EVPL: variants seen among roughly 807,000 people sequenced by gnomAD.
The protein encoded by EVPL is 210 kDa cornified envelope precursor protein.
EVPL carries 94 observed loss-of-function variants against 129.7 expected under a neutral mutation model. The ratio of observed to expected loss-of-function variants is 0.72; its 90% CI spans 0.61 to 0.86. The LOEUF (loss-of-function observed/expected upper bound fraction) is 0.86, where lower values mean the gene tolerates loss of function less well. Among genes scored for constraint, EVPL ranks in the 40% least tolerant of loss-of-function variants. The pLI is 0.00. For missense variants in EVPL, 2,625 were observed against 2,721.1 expected, an observed-to-expected ratio of 0.96 and a Z score of 0.79; for synonymous variants, 1,172 against 1,191.1, an observed-to-expected ratio of 0.98 and a Z score of 0.33.
In EVPL at chr17:76,009,900, T is replaced by TG; in HGVS notation, c.3304_3305insC (p.Asp1102AlafsTer160). The TG allele has an allele frequency of 6.2e-7, 1 of 1,614,108 alleles. No individual in the cohort carries two copies. Among genetic ancestry groups the TG allele is most frequent in the African/African-American group, 1.3e-5 (1 of 75,048 alleles). The stretch of plus-strand genomic sequence containing the variant: ...CTCCGCCTGCTTCCTCCGCGCAGCA[T>TG]CCTCCTCCATCTGCAGCCTCAGAGC... On this transcript the variant is annotated frameshift_variant, in exon 22 of 22. Coordinates refer to ENST00000301607, the MANE Select transcript of EVPL (RefSeq NM_001988.4). LOFTEE classifies it low-confidence loss of function (END_TRUNC). This position sits in a 1 kb window ranked among gnomAD's most constrained non-coding sequence, Gnocchi z 5.9.
chr17:76,021,367 G>C, intron 9 of EVPL, 101 bp downstream of exon 9: 1 of 1,128,358 alleles, frequency 8.9e-7, no homozygotes, highest in Non-Finnish European at 1.3e-6. Flanking sequence ...GCTCTGTCTA[G>C]TTGGGAGGTG....
intron 10 of EVPL, 42 bp downstream of exon 10, chr17:76,019,486 T>A: frequency 6.6e-7 from 1 of 1,524,018 alleles, no homozygotes. Flanking sequence ...CAGGACCAAT[T>A]CCCAGAAGTG....
At chr17:76,012,284 G>A (rs2066383381) in intron 18 of EVPL, 195 bp from the exon 19 acceptor site, 1 of 539,870 alleles carries the variant, frequency 1.9e-6, no homozygotes, top group Non-Finnish European at 3.3e-6. Flanking sequence ...CCTCTCCGAG[G>A]CACCTTGGCA....
chr17:76,008,617 G>T lies in EVPL; in HGVS notation c.4588C>A (p.Arg1530Ser). The change falls in exon 22 of 22, where the codon CGC becomes AGC. Residue 1530 changes from arginine to serine, a missense_variant. By Grantham distance (110) the Arg-to-Ser change is moderately radical. Around this residue, in one of 4 missense-constraint regions of EVPL, gnomAD observed 1,453 missense variants for 1,511.8 expected, o/e 0.96. Coordinates refer to ENST00000301607, the MANE Select transcript of EVPL (RefSeq NM_001988.4). This position sits in a 1 kb window ranked among gnomAD's most constrained non-coding sequence, Gnocchi z 7.4. ...YKEVIRVQKD[R>S]VLEDERARVW... ...CGGGCCCGCTCATCTTCCAGGACGC[G>T]GTCCTTCTGCACCCGGATCACTTCC... 1.9e-6 allele frequency: 3 copies of T among 1,612,134 alleles called. No homozygotes were observed. In the South Asian group the frequency reaches 3.3e-5, roughly 18 times the overall value.
At position 76,018,578 on chromosome 17, in the gene EVPL, C is replaced by T. The variant is rs559090051; in HGVS notation, c.1307G>A (p.Arg436Gln). ...GTCAGTGTTATCTACCAGCTTATACCGCTCACCCTGCAGCAGCTGCACCTG... is the reference window on the plus strand; with the variant it reads ...GTCAGTGTTATCTACCAGCTTATACTGCTCACCCTGCAGCAGCTGCACCTG... The part of the protein sequence containing the change: ...SGEVQLLQGE[R>Q]YKLVDNTDPH... Residue 436 changes from arginine to glutamine, a missense_variant, in exon 12 of 22, where the codon CGG (arginine) becomes CAG (glutamine). Arg to Gln is a conservative substitution (Grantham distance 43). Coordinates refer to ENST00000301607, the MANE Select transcript of EVPL (RefSeq NM_001988.4). The T allele has an allele frequency of 3.9e-5, 62 of 1,605,972 alleles. No homozygotes were observed. The highest frequency in any genetic ancestry group is 3.3e-4 in the Middle Eastern group (2 of 6,028).
rs766131192 is a variant in EVPL at position 76,008,547 on chromosome 17, C to A, written c.4658G>T (p.Arg1553Leu). The change falls in exon 22 of 22, where the codon CGG becomes CTG. Residue 1553 changes from arginine to leucine, a missense_variant. Arg to Leu is a moderately radical substitution (Grantham distance 102, BLOSUM62 -2). Transcript: ENST00000301607. The surrounding 1 kb of genome is among the most constrained non-coding windows in gnomAD (Gnocchi z 7.4). ...LNRERTARQAREEEARRLRER... is the reference protein window; with the variant it reads ...LNRERTARQALEEEARRLRER... ...CCGCAGGCGCCGTGCCTCCTCCTCC[C>A]GGGCCTGCCGGGCCGTGCGCTCCCT... The A allele has an allele frequency of 6.2e-7, 1 of 1,608,274 alleles. No homozygotes were observed.
chr17:76,007,550 C>A lies in EVPL; in HGVS notation c.5655G>T (p.Arg1885Ser). 1 of 1,614,040 alleles carries A rather than the reference C, an allele frequency of 6.2e-7. No individual in the cohort carries two copies. Among genetic ancestry groups the A allele is most frequent in the Non-Finnish European group, 8.5e-7 (1 of 1,180,040 alleles). Reference sequence around the variant, plus strand: ...GTGTGGAGGTGTTCTCGATCAGGCCCCTCTCCATCGCCTTGTGCACAGAGT... The same window carrying A: ...GTGTGGAGGTGTTCTCGATCAGGCCACTCTCCATCGCCTTGTGCACAGAGT... ...ERYSVHKAME[R>S]GLIENTSTQR... is the part of the protein sequence containing the mutation. Residue 1885 changes from arginine to serine, a missense_variant, in exon 22 of 22, where the codon AGG becomes AGT. Arg to Ser is a moderately radical substitution (Grantham distance 110). Coordinates refer to ENST00000301607, the MANE Select transcript of EVPL (RefSeq NM_001988.4). This position sits in a 1 kb window ranked among gnomAD's most constrained non-coding sequence, Gnocchi z 8.8.
intron 21 of EVPL, among the ~76,000 whole-genome samples, chr17:76,011,299 G>A (rs117856389): frequency 1.3e-5 from 2 of 152,338 alleles, no homozygotes; most frequent in East Asian, 3.9e-4. Context: ...TCTGGGGTTA[G>A]AGGTCTTGTC....
At position 76,010,425 on chromosome 17, in the gene EVPL, C is replaced by T. The variant is rs773412350; in HGVS notation, c.2780G>A (p.Arg927Gln). ...CAGCTCATGCTGCACCCGGGCCACC[C>T]GCTTCCTCTCCTCTTCCAGCTGGGC... ...LKAQLEEERKRVARVQHELEA... is the reference protein window; with the variant it reads ...LKAQLEEERKQVARVQHELEA... The change falls in exon 22 of 22, where the codon CGG becomes CAG. Residue 927 changes from arginine to glutamine, a missense_variant. Transcript: ENST00000301607. 9.9e-6 allele frequency: 16 copies of T among 1,613,828 alleles called. No homozygotes were observed. Among genetic ancestry groups the T allele is most frequent in the South Asian group, 6.6e-5 (6 of 91,074 alleles).
intron 14 of EVPL, among the ~76,000 whole-genome samples, chr17:76,017,237 GA>G: frequency 6.6e-6 from 1 of 152,298 alleles, no homozygotes; most frequent in African/African-American, 2.4e-5. Context: ...AACTGGTTTG[GA>G]AGGATAACCC....
In EVPL at chr17:76,008,810, C is replaced by G; in HGVS notation, c.4395G>C (p.Val1465=). 6.2e-7 allele frequency: 1 copy of G among 1,614,094 alleles called. No individual in the cohort carries two copies. Among genetic ancestry groups the G allele is most frequent in the Non-Finnish European group, 8.5e-7 (1 of 1,180,006 alleles). ...TVQEKIIMEE[V]VKLEKDPDLE... ...GGTCCGGGTCCTTCTCCAGCTTGAC[C>G]ACTTCCTCCATGATGATCTTCTCCT... Residue 1465 remains valine (V), a synonymous_variant, in exon 22 of 22, where the codon GTG becomes GTC. Coordinates refer to ENST00000301607, the MANE Select transcript of EVPL (RefSeq NM_001988.4). The surrounding 1 kb of genome is among the most constrained non-coding windows in gnomAD (Gnocchi z 7.4).
chr17:76,014,741 A>C (rs2066404319), intron 17 of EVPL, among the ~76,000 whole-genome samples, 165 bp from the exon 18 acceptor site: 1 of 152,134 alleles, frequency 6.6e-6, no homozygotes, highest in African/African-American at 2.4e-5. Flanking sequence ...CAGAGATGGG[A>C]CAGTCTCTAC....
chr17:76,012,074 T>C lies in EVPL; in HGVS notation c.2389A>G (p.Ile797Val), dbSNP rs758026156. ...GCCCTGTCCCGCTCTCGGCTCTGGA[T>C]CTCCTGCGTCAGCCTCTGCCAGGGA... ...LQAQKRLTQEIQSRERDRATA... is the reference protein window; with the variant it reads ...LQAQKRLTQEVQSRERDRATA... The change falls in exon 19 of 22, where the codon ATC becomes GTC. Residue 797 changes from isoleucine (I) to valine (V), a missense_variant. Coordinates refer to ENST00000301607, the MANE Select transcript of EVPL (RefSeq NM_001988.4). 1.9e-6 allele frequency: 3 copies of C among 1,610,796 alleles called. No individual in the cohort carries two copies. Among genetic ancestry groups the C allele is most frequent in the South Asian group, 2.2e-5 (2 of 90,524 alleles).
rs779540974 is a variant in EVPL, at chr17:76,021,722, G to A, written c.867C>T (p.Asp289=). The A allele has an allele frequency of 6.2e-7, 1 of 1,610,006 alleles. No homozygotes were observed. Among genetic ancestry groups the A allele is most frequent in the Admixed American group, 1.7e-5 (1 of 59,872 alleles). Reference sequence around the variant, plus strand: ...GCCGCAGCTCCACCATGCGCTCGCCGTCGTCCTCCAGCTGGTTCACGCTCT... The same window carrying A: ...GCCGCAGCTCCACCATGCGCTCGCCATCGTCCTCCAGCTGGTTCACGCTCT... ...QEQSVNQLED[D]GERMVELRHP... The change falls in exon 8 of 22, where the codon GAC becomes GAT. Residue 289 remains aspartate (D), a synonymous_variant. Coordinates refer to ENST00000301607, the MANE Select transcript of EVPL (RefSeq NM_001988.4).
rs144035870 is a variant in EVPL at position 76,012,082 on chromosome 17, G to A, written c.2381C>T (p.Thr794Met). 38 of 1,609,700 alleles carry A rather than the reference G, an allele frequency of 2.4e-5. No individual in the cohort carries two copies. The highest frequency in any genetic ancestry group is 1.2e-4 in the African/African-American group (9 of 74,844). Residue 794 changes from threonine (T) to methionine (M), a missense_variant, in exon 19 of 22, where the codon ACG (threonine) becomes ATG (methionine). By Grantham distance (81) the Thr-to-Met change is moderately conservative. Around this residue, in one of 4 missense-constraint regions of EVPL, gnomAD observed 1,024 missense variants for 997.5 expected, o/e 1.03. Coordinates refer to ENST00000301607, the MANE Select transcript of EVPL (RefSeq NM_001988.4). Reference sequence around the variant, plus strand: ...CCGCTCTCGGCTCTGGATCTCCTGCGTCAGCCTCTGCCAGGGAAGAACCCA... The same window carrying A: ...CCGCTCTCGGCTCTGGATCTCCTGCATCAGCCTCTGCCAGGGAAGAACCCA... ...AYKLQAQKRL[T>M]QEIQSRERDR...
In EVPL at chr17:76,022,195, G is replaced by T; in HGVS notation, c.639C>A (p.Asp213Glu). ...GACCCTCCCTCCTGCTCACCAGTAG[G>T]TCTCGGTATTGGCTCCGGATGGTGG... ...DAATIRSQYR[D>E]LLKAASWRGQ... Residue 213 changes from aspartate to glutamate, a missense_variant, in exon 6 of 22, where the codon GAC becomes GAA. By Grantham distance (45) the Asp-to-Glu change is conservative. Transcript: ENST00000301607. This position sits in a 1 kb window ranked among gnomAD's most constrained non-coding sequence, Gnocchi z 5.6. 6.2e-7 allele frequency: 1 copy of T among 1,613,048 alleles called. No homozygotes were observed. Among genetic ancestry groups the T allele is most frequent in the Non-Finnish European group, 8.5e-7 (1 of 1,179,804 alleles).
intron 1 of EVPL, among the ~76,000 whole-genome samples, 177 bp downstream of exon 1, chr17:76,026,924 G>A (rs2066501989): frequency 6.6e-6 from 1 of 152,250 alleles, no homozygotes; most frequent in South Asian, 2.1e-4. Flanking sequence ...CTGGGCCTGC[G>A]GCTCCCAAGG....
Position 76,007,100 on chromosome 17 carries a change from G to T in EVPL, c.*3C>A. The T allele has an allele frequency of 6.9e-7, 1 of 1,450,828 alleles. No individual in the cohort carries two copies. 89.9% of individuals were successfully genotyped at this position (1,450,828 alleles called of 1,614,324 possible). On this transcript the variant is annotated 3_prime_UTR_variant, in exon 22 of 22. Transcript: ENST00000301607. This position sits in a 1 kb window ranked among gnomAD's most constrained non-coding sequence, Gnocchi z 8.8. Reference sequence around the variant, plus strand: ...CACTTCCCCACTGGCTCCTTGGCCCGTGTCAGCGAAGGGAGCGCGGGACGG... The same window carrying T: ...CACTTCCCCACTGGCTCCTTGGCCCTTGTCAGCGAAGGGAGCGCGGGACGG...
chr17:76,017,304 C>T (rs1174238340), intron 14 of EVPL, among the ~76,000 whole-genome samples: 2 of 152,148 alleles, frequency 1.3e-5, no homozygotes, highest in Non-Finnish European at 1.5e-5. Context: ...GTTGAGTCCA[C>T]GTGCTGTTCT....
Sources: allele counts gnomAD v4.1 joint callset (sites outside exome capture counted in the v4.1 genomes callset), GRCh38; gene constraint gnomAD v4.1.1; regional missense constraint gnomAD v4.1.1; non-coding constraint Gnocchi (gnomAD v3.1); transcripts MANE v1.5; gene names NCBI Gene and HGNC (gene_info 2026-07-23, HGNC 2026-07-21).